Variants in PLEKHG1 observed in about 807,000 individuals in gnomAD.
PLEKHG1 encodes pleckstrin homology domain-containing family G member 1.
PLEKHG1 carries 44 observed loss-of-function variants against 100.8 expected under a neutral mutation model. That is an observed-to-expected ratio of 0.44 (90% CI 0.34 to 0.56). The LOEUF (loss-of-function observed/expected upper bound fraction) is 0.56. Among genes scored for constraint, PLEKHG1 ranks in the 20% least tolerant of loss-of-function variants. PLEKHG1 has a pLI of 0.01. For synonymous variants in PLEKHG1, 640 were observed against 662.5 expected, an observed-to-expected ratio of 0.97 and a Z score of 0.52; for missense variants, 1,545 against 1,720.9, an observed-to-expected ratio of 0.90 and a Z score of 1.81.
chr6:150,764,805 A>G (rs1277063306), intron 2 of PLEKHG1, among the ~76,000 whole-genome samples: 1 of 152,114 alleles, frequency 6.6e-6, no homozygotes, highest in East Asian at 1.9e-4. Context: ...CCTCCCTGGA[A>G]CGGACCACTT....
chr6:150,839,766 T>A, intron 15 of PLEKHG1, 67 bp from the exon 17 acceptor site: 1 of 1,001,418 alleles, frequency 1.0e-6, no homozygotes, highest in Non-Finnish European at 1.5e-6. Flanking sequence ...TGTTATTCTC[T>A]TATTTTTAAT....
chr6:150,739,065 A>T (rs1438895483), intron 2 of PLEKHG1, among the ~76,000 whole-genome samples: 1 of 152,168 alleles, frequency 6.6e-6, no homozygotes, highest in African/African-American at 2.4e-5. Context: ...TCTATAAAAG[A>T]GCTTTTGAGA....
intron 2 of PLEKHG1, among the ~76,000 whole-genome samples, chr6:150,751,747 A>AT (rs1783522238): frequency 6.6e-6 from 1 of 152,198 alleles, no homozygotes; most frequent in African/African-American, 2.4e-5. Flanking sequence ...AGTCCAATTA[A>AT]TATAAGGCCA....
At chr6:150,836,156 C>A (rs1304834876) in intron 15 of PLEKHG1, among the ~76,000 whole-genome samples, 1 of 152,068 alleles carries the variant, frequency 6.6e-6, no homozygotes, top group Non-Finnish European at 1.5e-5. Flanking sequence ...GCGGGCAGAT[C>A]ACTTGAGGTC....
At chr6:150,682,269 G>C (rs926030685) in intron 3 of PLEKHG1, among the ~76,000 whole-genome samples, 12 of 152,148 alleles carry the variant, frequency 7.9e-5, no homozygotes, top group Non-Finnish European at 1.3e-4. Flanking sequence ...CACTAAAGCT[G>C]CTTACCAGGC....
At chr6:150,703,363 G>A (rs4869939) in intron 3 of PLEKHG1, among the ~76,000 whole-genome samples, 10,636 of 152,222 alleles carry the variant, frequency 0.07, 398 homozygotes, top group South Asian at 0.12. Context: ...CACTTTGGGA[G>A]ACTGAGGCAG....
At chr6:150,783,090 T>TA (rs34010475) in intron 3 of PLEKHG1, among the ~76,000 whole-genome samples, 27,935 of 137,068 alleles carry the variant, frequency 0.2, 3,427 homozygotes, top group East Asian at 0.36. Context: ...AACACATGTT[T>TA]AAAAAAAAAC....
chr6:150,689,960 A>G (rs773137535), intron 3 of PLEKHG1, among the ~76,000 whole-genome samples: 1 of 152,068 alleles, frequency 6.6e-6, no homozygotes, highest in Non-Finnish European at 1.5e-5. Flanking sequence ...ATTAAAATTT[A>G]TAGTTGCAAT....
intron 4 of PLEKHG1, among the ~76,000 whole-genome samples, chr6:150,788,270 C>T (rs1414271375): frequency 6.6e-6 from 1 of 152,240 alleles, no homozygotes; most frequent in African/African-American, 2.4e-5. Flanking sequence ...GCACTGCCTG[C>T]CTTTCACTCA....
At chr6:150,649,078 C>T (rs1778609743) in intron 2 of PLEKHG1, among the ~76,000 whole-genome samples, 1 of 151,952 alleles carries the variant, frequency 6.6e-6, no homozygotes, top group East Asian at 1.9e-4. Context: ...TTGCCTATAT[C>T]ATATTTATTT....
chr6:150,682,275 CAGGCCACGATAA>C (rs1313528628), intron 3 of PLEKHG1, among the ~76,000 whole-genome samples: 1 of 152,104 alleles, frequency 6.6e-6, no homozygotes, highest in African/African-American at 2.4e-5. Context: ...AGCTGCTTAC[CAGGCCACGATAA>C]AGGCCACCTG....
chr6:150,601,043 GT>G (rs1776337896), intron 1 of PLEKHG1, among the ~76,000 whole-genome samples: 1 of 152,210 alleles, frequency 6.6e-6, no homozygotes, highest in African/African-American at 2.4e-5. Context: ...TGGTTTAGGA[GT>G]TTTGAACAGA....
chr6:150,748,068 A>G lies in PLEKHG1; in HGVS notation c.411+13976A>G, dbSNP rs74467964. Among the ~76,000 whole-genome samples, 316 of 152,266 alleles carry G rather than the reference A, an allele frequency of 2.1e-3. 9 individuals are homozygous for G. In the East Asian group the frequency reaches 0.049, roughly 24 times the overall value. On this transcript the variant is annotated intron_variant, in intron 2 of 15. Coordinates refer to ENST00000358517, the Ensembl canonical transcript of PLEKHG1. ...CCATTCCCCACCCCAGCCTCAGGGA[A>G]CCAGCTTTCTACTTTCTGTCACTAG...
In PLEKHG1 at chr6:150,832,225, C is replaced by T. The variant is rs774521381; in HGVS notation, c.3094+20C>T. Reference sequence around the variant, plus strand: ...CCATTGGTATGTGCACCCTGCCCTTCTTCCTTCTCCAAAGTAAGAGGGGAG... The same window carrying T: ...CCATTGGTATGTGCACCCTGCCCTTTTTCCTTCTCCAAAGTAAGAGGGGAG... On this transcript the variant is annotated intron_variant, in intron 15 of 15. Transcript: ENST00000358517. The T allele has an allele frequency of 1.3e-6, 2 of 1,536,822 alleles. No individual in the cohort carries two copies. The highest frequency in any genetic ancestry group is 1.7e-6 in the Non-Finnish European group (2 of 1,148,342).
chr6:150,636,017 G>A (rs984742099), intron 1 of PLEKHG1, among the ~76,000 whole-genome samples: 6 of 152,106 alleles, frequency 3.9e-5, no homozygotes, highest in African/African-American at 1.4e-4. Context: ...GCATTTTTGA[G>A]TTGAAGGGTA....
At chr6:150,637,038 T>C (rs1199263776) in intron 1 of PLEKHG1, among the ~76,000 whole-genome samples, 1 of 152,226 alleles carries the variant, frequency 6.6e-6, no homozygotes, top group African/African-American at 2.4e-5. Flanking sequence ...GGGAACCCCC[T>C]TGGTCCCAAG....
intron 1 of PLEKHG1, among the ~76,000 whole-genome samples, chr6:150,622,103 A>T (rs970032470): frequency 6.6e-6 from 1 of 152,050 alleles, no homozygotes; most frequent in Non-Finnish European, 1.5e-5. Context: ...GCCAGCCAAC[A>T]CTTTGTGTTA....
At chr6:150,770,549 G>C (rs7743264) in intron 3 of PLEKHG1, among the ~76,000 whole-genome samples, 72 of 152,266 alleles carry the variant, frequency 4.7e-4, no homozygotes, top group African/African-American at 1.7e-3. Context: ...TGGTCGAGGT[G>C]GGGCCAGAAC....
At chr6:150,739,433 C>T (rs761456910) in intron 2 of PLEKHG1, among the ~76,000 whole-genome samples, 8 of 152,024 alleles carry the variant, frequency 5.3e-5, no homozygotes, top group Non-Finnish European at 7.4e-5. Context: ...TTTGGGAGGC[C>T]GAAGTAGGCA....
Sources: gnomAD v4.1 joint callset for allele counts (sites outside exome capture counted in the v4.1 genomes callset) on GRCh38, gnomAD v4.1.1 for gene constraint, MANE v1.5 for transcripts, NCBI Gene and HGNC (gene_info 2026-07-23, HGNC 2026-07-21) for gene names.